The following MTA3 variants were observed in gnomAD, a reference collection of about 807,000 sequenced individuals.
MTA3 encodes the protein metastasis-associated protein MTA3.
In MTA3, 34 loss-of-function variants were observed where a neutral mutation model predicts 83.5. The observed-to-expected ratio is 0.41, with a 90% CI of 0.31 to 0.54. The LOEUF (loss-of-function observed/expected upper bound fraction) is 0.54. MTA3 is among the 20% of genes least tolerant of loss of function. MTA3 has a pLI of 0.33. For synonymous variants in MTA3, 303 were observed against 252.7 expected, an observed-to-expected ratio of 1.20 and a Z score of -1.89; for missense variants, 761 against 726.4, an observed-to-expected ratio of 1.05 and a Z score of -0.55.
chr2:42,548,829 A>ATAAT (rs1491392121), intron 2 of MTA3, among the ~76,000 whole-genome samples: 2 of 8,584 alleles, frequency 2.3e-4, no homozygotes, highest in Non-Finnish European at 5.6e-4. Context: ...ATATATATAT[A>ATAAT]ATATATATAT....
chr2:42,561,749 T>A (rs563509995), intron 2 of MTA3, among the ~76,000 whole-genome samples: 1 of 152,016 alleles, frequency 6.6e-6, no homozygotes, highest in African/African-American at 2.4e-5. Flanking sequence ...GGTGAGGGGG[T>A]CCCCTTCTTT....
chr2:42,672,835 C>A (rs980864984), intron 8 of MTA3, among the ~76,000 whole-genome samples: 1 of 129,694 alleles, frequency 7.7e-6, no homozygotes, highest in African/African-American at 3.1e-5. Context: ...AACTTTTTTA[C>A]GTATAAAAAG....
chr2:42,538,169 C>G (rs1286064697), intron 2 of MTA3, among the ~76,000 whole-genome samples: 1 of 151,732 alleles, frequency 6.6e-6, no homozygotes, highest in Non-Finnish European at 1.5e-5. Context: ...GGAGGTGGAG[C>G]TTGCAGTGAG....
chr2:42,564,604 T>TA (rs1363707347), upstream of MTA3, among the ~76,000 whole-genome samples: 2 of 152,096 alleles, frequency 1.3e-5, no homozygotes, highest in Admixed American at 1.3e-4. Flanking sequence ...GAGAAGAAGT[T>TA]AATGAAAGGA....
At chr2:42,589,326 ATATAAT>A (rs1237585157) in intron 3 of MTA3, among the ~76,000 whole-genome samples, 1 of 152,170 alleles carries the variant, frequency 6.6e-6, no homozygotes, top group Non-Finnish European at 1.5e-5. Context: ...GCAAATTTTA[ATATAAT>A]TATAAACTAT....
In MTA3 at chr2:42,644,130, A is replaced by G; in HGVS notation, c.385A>G (p.Thr129Ala). The part of the protein sequence containing the change: ...SVLSYLDKED[T>A]FFYSLVYDPS... ...TGTATTTTGTCATATTTTTCAGGAT[A>G]CCTTCTTCTACTCATTGGTCTATGA... is the stretch of plus-strand genomic sequence containing the variant. The change falls in exon 6 of 17, where the codon ACC (threonine) becomes GCC (alanine). Residue 129 changes from threonine (T) to alanine (A), a missense_variant. By Grantham distance (58) the Thr-to-Ala change is moderately conservative. Transcript: ENST00000405094. 1 of 1,584,896 alleles carries G rather than the reference A, an allele frequency of 6.3e-7. No individual in the cohort carries two copies. Among genetic ancestry groups the G allele is most frequent in the Non-Finnish European group, 8.6e-7 (1 of 1,163,876 alleles).
chr2:42,756,004 A>G lies in MTA3; in HGVS notation c.*2605A>G. Reference sequence around the variant, plus strand: ...TCCCCTTGTGCACAGCCCAGTTTCCATCTCTCAGGGCCCACCCAGGAAAAT... The same window carrying G: ...TCCCCTTGTGCACAGCCCAGTTTCCGTCTCTCAGGGCCCACCCAGGAAAAT... On this transcript the variant is annotated 3_prime_UTR_variant, in exon 17 of 17. Coordinates refer to ENST00000405094, the MANE Select transcript of MTA3 (RefSeq NM_001330442.2). 2 of 985,448 alleles carry G rather than the reference A, an allele frequency of 2.0e-6. No homozygotes were observed. Among genetic ancestry groups the G allele is most frequent in the Non-Finnish European group, 2.4e-6 (2 of 829,952 alleles). The allele number at this position is 985,448 out of a possible 1,614,324, so 61.0% of individuals were successfully genotyped here.
At chr2:42,698,236 C>G (rs1319137214) in intron 11 of MTA3, among the ~76,000 whole-genome samples, 2 of 152,044 alleles carry the variant, frequency 1.3e-5, no homozygotes, top group Non-Finnish European at 2.9e-5. Context: ...ACATTGTTTT[C>G]TTGGTTCCAA....
intron 8 of MTA3, chr2:42,680,263 C>G (rs1355235102): frequency 6.6e-6 from 1 of 152,290 alleles, no homozygotes; most frequent in African/African-American, 2.4e-5. Flanking sequence ...CTAAGCACCT[C>G]CAGAATTGCT....
intron 4 of MTA3, among the ~76,000 whole-genome samples, chr2:42,633,940 T>G (rs1256756352): frequency 6.6e-6 from 1 of 152,154 alleles, no homozygotes; most frequent in Non-Finnish European, 1.5e-5. Context: ...CTTAAATGTT[T>G]GTTACCAAGA....
intron 2 of MTA3, among the ~76,000 whole-genome samples, chr2:42,550,140 A>T (rs1190272499): frequency 6.6e-6 from 1 of 152,162 alleles, no homozygotes; most frequent in East Asian, 1.9e-4. Flanking sequence ...CTGCAAGCTG[A>T]GGTTGCTAAG....
At chr2:42,732,869 A>G (rs1668330795) in intron 16 of MTA3, among the ~76,000 whole-genome samples, 1 of 152,210 alleles carries the variant, frequency 6.6e-6, no homozygotes, top group Non-Finnish European at 1.5e-5. Context: ...GCTGAAACAT[A>G]ACAAGAGTCA....
intron 6 of MTA3, among the ~76,000 whole-genome samples, chr2:42,646,371 C>T (rs1188479533): frequency 6.6e-6 from 1 of 152,160 alleles, no homozygotes. Context: ...ATAACATCAC[C>T]TAAGGCTATA....
intron 16 of MTA3, among the ~76,000 whole-genome samples, chr2:42,746,380 A>G (rs1669430535): frequency 6.6e-6 from 1 of 152,226 alleles, no homozygotes; most frequent in Non-Finnish European, 1.5e-5. Flanking sequence ...TCACTGAACA[A>G]CAATCGACAC....
intron 2 of MTA3, among the ~76,000 whole-genome samples, chr2:42,557,730 C>G (rs1198025577): frequency 2.0e-5 from 3 of 152,136 alleles, no homozygotes; most frequent in African/African-American, 7.2e-5. Flanking sequence ...CATTTTCAGT[C>G]CTTTTTGAAA....
At chr2:42,542,330 A>G (rs1007191400) in intron 2 of MTA3, among the ~76,000 whole-genome samples, 3 of 152,284 alleles carry the variant, frequency 2.0e-5, no homozygotes, top group Admixed American at 1.3e-4. Context: ...CTGTTACGTT[A>G]TAATCCTATG....
chr2:42,622,261 T>G (rs1392327468), intron 4 of MTA3, among the ~76,000 whole-genome samples: 4 of 151,938 alleles, frequency 2.6e-5, no homozygotes, highest in Non-Finnish European at 5.9e-5. Context: ...CGAAAACCAG[T>G]CAGGCTTGGC....
At chr2:42,719,951 C>T (rs140834214) in intron 15 of MTA3, among the ~76,000 whole-genome samples, 3 of 152,076 alleles carry the variant, frequency 2.0e-5, no homozygotes, top group Non-Finnish European at 2.9e-5. Flanking sequence ...AGTTCTTTTT[C>T]AGTAAAGTGA....
intron 6 of MTA3, among the ~76,000 whole-genome samples, chr2:42,646,741 G>GA (rs1688224647): frequency 6.6e-6 from 1 of 152,290 alleles, no homozygotes; most frequent in Non-Finnish European, 1.5e-5. Context: ...TCTTGAGATG[G>GA]AATCTACTCC....
Sources: gnomAD v4.1 joint callset for allele counts (sites outside exome capture counted in the v4.1 genomes callset) on GRCh38, gnomAD v4.1.1 for gene constraint, MANE v1.5 for transcripts, NCBI Gene and HGNC (gene_info 2026-07-23, HGNC 2026-07-21) for gene names.